Variants in INTS8 observed in about 807,000 individuals in gnomAD.
INTS8 encodes the protein integrator complex subunit 8.
In INTS8, 47 loss-of-function variants were observed where a neutral mutation model predicts 138.9. That is an observed-to-expected ratio of 0.34 (90% CI 0.27 to 0.43). The LOEUF is 0.43. Among genes scored for constraint, INTS8 ranks in the 20% least tolerant of loss-of-function variants. INTS8 has a pLI of 1.00. For synonymous variants in INTS8, 392 were observed against 400.9 expected (o/e 0.98, Z 0.27); for missense variants, 996 against 1,173.0 (o/e 0.85, Z 2.20).
intron 15 of INTS8, among the ~76,000 whole-genome samples, chr8:94,857,396 G>C (rs1815791288): frequency 6.6e-6 from 1 of 152,070 alleles, no homozygotes; most frequent in African/African-American, 2.4e-5. Context: ...TTTGAAAAAA[G>C]TTATTTCACT....
intron 6 of INTS8, among the ~76,000 whole-genome samples, chr8:94,832,662 GT>G (rs1420591718): frequency 4.8e-5 from 7 of 147,302 alleles, no homozygotes; most frequent in Non-Finnish European, 7.5e-5. Context: ...TTTTGTTTTT[GT>G]TTTTTTTTTG....
chr8:94,840,737 T>C (rs530233852), intron 8 of INTS8, among the ~76,000 whole-genome samples: 2 of 152,044 alleles, frequency 1.3e-5, no homozygotes, highest in South Asian at 4.1e-4. Context: ...TTTGTAGTTT[T>C]TAGTAGAGAC....
intron 8 of INTS8, among the ~76,000 whole-genome samples, chr8:94,841,073 C>T (rs185127924): frequency 1.5e-4 from 23 of 151,212 alleles, no homozygotes; most frequent in Admixed American, 3.3e-4. Context: ...CCATGATACC[C>T]GGCTAATTTT....
chr8:94,877,182 C>G (rs1486701940), intron 26 of INTS8, among the ~76,000 whole-genome samples: 1 of 152,148 alleles, frequency 6.6e-6, no homozygotes, highest in African/African-American at 2.4e-5. Flanking sequence ...AACTCTTTAT[C>G]TAAATTTGAT....
intron 16 of INTS8, among the ~76,000 whole-genome samples, chr8:94,861,853 G>GC (rs1235379323): frequency 4.7e-5 from 7 of 149,288 alleles, no homozygotes; most frequent in African/African-American, 1.5e-4. Context: ...GCCCGGCCCG[G>GC]CCCTTTTTGT....
intron 23 of INTS8, 76 bp downstream of exon 23, chr8:94,874,678 G>A (rs1816513826): frequency 1.2e-6 from 1 of 808,224 alleles, no homozygotes; most frequent in South Asian, 1.6e-5. Flanking sequence ...GCATTGAACT[G>A]GAAATTAGCT....
intron 8 of INTS8, among the ~76,000 whole-genome samples, chr8:94,840,976 C>T (rs1400406893): frequency 6.7e-6 from 1 of 150,302 alleles, no homozygotes; most frequent in Admixed American, 6.6e-5. Flanking sequence ...GCAGTGGCAC[C>T]ATCTCAGCTC....
At chr8:94,826,452 A>C (rs1814507702) in intron 2 of INTS8, among the ~76,000 whole-genome samples, 1 of 152,020 alleles carries the variant, frequency 6.6e-6, no homozygotes, top group South Asian at 2.1e-4. Context: ...GTGTATTTTT[A>C]ATCTGAGCAG....
At chr8:94,835,497 G>A (rs755447479) in intron 6 of INTS8, among the ~76,000 whole-genome samples, 23 of 152,022 alleles carry the variant, frequency 1.5e-4, no homozygotes, top group Non-Finnish European at 2.6e-4. Flanking sequence ...AGTATGTTAC[G>A]GTAGACGTGC....
intron 10 of INTS8, among the ~76,000 whole-genome samples, chr8:94,844,944 G>A (rs1262495928): frequency 6.6e-6 from 1 of 151,174 alleles, no homozygotes; most frequent in Non-Finnish European, 1.5e-5. Context: ...GGTAAAGATG[G>A]GGTTTTGTCA....
intron 10 of INTS8, among the ~76,000 whole-genome samples, chr8:94,844,481 T>A (rs966373200): frequency 6.6e-6 from 1 of 152,118 alleles, no homozygotes; most frequent in Admixed American, 6.5e-5. Context: ...CACGCCCTGC[T>A]AATTTTTGTA....
In INTS8 at chr8:94,836,556, G is replaced by T. The variant is rs1219939004; in HGVS notation, c.786G>T (p.Gln262His). 4 of 1,613,810 alleles carry T rather than the reference G, an allele frequency of 2.5e-6. No homozygotes were observed. Among genetic ancestry groups the T allele is most frequent in the African/African-American group, 1.3e-5 (1 of 74,904 alleles). The change falls in exon 7 of 27, where the codon CAG becomes CAT. Residue 262 changes from glutamine (Q) to histidine (H), a missense_variant. Gln to His is a conservative substitution (Grantham distance 24). Transcript: ENST00000523731. ...VCYDLGAAYFQQGSTNSAVYE... is the reference protein window; with the variant it reads ...VCYDLGAAYFHQGSTNSAVYE... ...ATGATTTGGGCGCAGCATACTTCCAGCAAGGCTCCACAAATTCAGCTGTCT... is the reference window on the plus strand; with the variant it reads ...ATGATTTGGGCGCAGCATACTTCCATCAAGGCTCCACAAATTCAGCTGTCT...
intron 15 of INTS8, among the ~76,000 whole-genome samples, chr8:94,857,716 T>C (rs1235395707): frequency 6.6e-6 from 1 of 152,224 alleles, no homozygotes; most frequent in African/African-American, 2.4e-5. Context: ...TCCCCCTGTG[T>C]ATGTCTGTGT....
chr8:94,829,806 A>G (rs1460155627), intron 5 of INTS8, among the ~76,000 whole-genome samples: 2 of 152,198 alleles, frequency 1.3e-5, no homozygotes, highest in African/African-American at 2.4e-5. Context: ...CTGATTTTAC[A>G]GGTGACGTCT....
intron 6 of INTS8, 111 bp downstream of exon 6, chr8:94,832,285 C>T: frequency 1.4e-6 from 1 of 722,982 alleles, no homozygotes; most frequent in Non-Finnish European, 2.3e-6. Flanking sequence ...TCTTAAGATG[C>T]TATTAAAACT....
chr8:94,834,797 T>C (rs527726371), intron 6 of INTS8, among the ~76,000 whole-genome samples: 29 of 152,246 alleles, frequency 1.9e-4, no homozygotes, highest in African/African-American at 7.0e-4. Flanking sequence ...CCTGGATTCT[T>C]TGAATTGGAC....
In INTS8 at chr8:94,853,827, G is replaced by T. The variant is rs765436614; in HGVS notation, c.1664G>T (p.Ser555Ile). 4 of 1,608,334 alleles carry T rather than the reference G, an allele frequency of 2.5e-6. No homozygotes were observed. The East Asian group carries it at 8.9e-5, about 36-fold the overall frequency. ...SNKWEVPSVYSGVILGIKDNL... is the reference protein window; with the variant it reads ...SNKWEVPSVYIGVILGIKDNL... ...TAGTGGGAAGTACCTTCTGTCTATA[G>T]TGGTGTTATCCTGGGAATTAAAGAC... Residue 555 changes from serine to isoleucine, a missense_variant, in exon 14 of 27, where the codon AGT becomes ATT. By Grantham distance (142) the Ser-to-Ile change is moderately radical (BLOSUM62 -2). Transcript: ENST00000523731.
Position 94,874,610 on chromosome 8 carries a change from T to C in INTS8, c.2688+8T>C. 1.3e-6 allele frequency: 2 copies of C among 1,507,352 alleles called. No homozygotes were observed. The highest frequency in any genetic ancestry group is 9.2e-7 in the Non-Finnish European group (1 of 1,084,572). 93.4% of individuals were successfully genotyped at this position (1,507,352 alleles called of 1,614,324 possible). On this transcript the variant is annotated splice_region_variant and intron_variant, in intron 23 of 26. Coordinates refer to ENST00000523731, the MANE Select transcript of INTS8 (RefSeq NM_017864.4). ...CTGAATTGCCACACACAGGTTAGTT[T>C]ATAATATTATGAAGTTGTTTTATTT...
intron 26 of INTS8, among the ~76,000 whole-genome samples, chr8:94,879,573 C>T (rs1054064968): frequency 6.1e-5 from 9 of 147,148 alleles, no homozygotes; most frequent in East Asian, 4.0e-4. Flanking sequence ...CCAACCTGGG[C>T]GACAAGAATG....
Sources: allele counts gnomAD v4.1 joint callset (sites outside exome capture counted in the v4.1 genomes callset), GRCh38; gene constraint gnomAD v4.1.1; transcripts MANE v1.5; gene names NCBI Gene and HGNC (gene_info 2026-07-23, HGNC 2026-07-21).